Variants in DMXL1 observed in about 807,000 individuals in gnomAD.
The protein encoded by DMXL1 is Dmx like 1.
Under a neutral mutation model 319.2 loss-of-function variants are expected in DMXL1, and 99 were observed. That is an observed-to-expected ratio of 0.31 (90% CI 0.26 to 0.37). The LOEUF is 0.37. Ranked by LOEUF, DMXL1 falls within the 10% of genes least tolerant of loss-of-function variation. The pLI, the probability that DMXL1 is intolerant of heterozygous loss-of-function variation, is 1.00. For synonymous variants in DMXL1, 1,385 were observed against 1,235.2 expected, an observed-to-expected ratio of 1.12 and a Z score of -2.54; for missense variants, 3,745 against 3,595.6, an observed-to-expected ratio of 1.04 and a Z score of -1.06.
At chr5:119,081,999 A>G (rs940023779) in intron 1 of DMXL1, among the ~76,000 whole-genome samples, 5 of 60,964 alleles carry the variant, frequency 8.2e-5, no homozygotes, top group African/African-American at 2.4e-4. Flanking sequence ...TCTTAAGGTT[A>G]TATATATATA....
intron 4 of DMXL1, among the ~76,000 whole-genome samples, chr5:119,105,578 A>G (rs543679122): frequency 1.3e-4 from 20 of 152,242 alleles, no homozygotes; most frequent in African/African-American, 4.6e-4. Context: ...AGTTGGGTAG[A>G]TGGAACAGGA....
intron 25 of DMXL1, among the ~76,000 whole-genome samples, chr5:119,172,438 C>A (rs943118869): frequency 2.2e-4 from 34 of 152,202 alleles, no homozygotes. Flanking sequence ...GAACCAGCTA[C>A]AACAGAATCA....
chr5:119,104,350 C>G (rs1757889254), intron 3 of DMXL1: 4 of 152,202 alleles, frequency 2.6e-5, no homozygotes, highest in African/African-American at 7.2e-5. Context: ...TCACCTATGT[C>G]AAAATCACCT....
At chr5:119,237,858 G>T (rs542050062) in intron 40 of DMXL1, among the ~76,000 whole-genome samples, 2 of 152,164 alleles carry the variant, frequency 1.3e-5, no homozygotes, top group African/African-American at 4.8e-5. Context: ...TTAGGATTAT[G>T]CAGGCTTTTA....
chr5:119,219,250 T>C (rs1784230967), intron 35 of DMXL1, among the ~76,000 whole-genome samples: 2 of 152,200 alleles, frequency 1.3e-5, no homozygotes, highest in African/African-American at 2.4e-5. Flanking sequence ...GACCCAAATC[T>C]TTTATAATCG....
intron 38 of DMXL1, among the ~76,000 whole-genome samples, chr5:119,231,514 CT>C (rs1475569248): frequency 6.6e-6 from 1 of 152,178 alleles, no homozygotes; most frequent in Non-Finnish European, 1.5e-5. Flanking sequence ...CACAAGGGGC[CT>C]ACCAGGAGGT....
At chr5:119,193,249 C>A (rs1779009497) in intron 29 of DMXL1, among the ~76,000 whole-genome samples, 1 of 152,098 alleles carries the variant, frequency 6.6e-6, no homozygotes, top group African/African-American at 2.4e-5. Context: ...ATTTGCTATT[C>A]TCTCCAACCT....
At chr5:119,163,773 C>T (rs1055106237) in intron 19 of DMXL1, among the ~76,000 whole-genome samples, 2 of 152,178 alleles carry the variant, frequency 1.3e-5, no homozygotes, top group African/African-American at 4.8e-5. Flanking sequence ...GATAGGGTTT[C>T]ACCGTGTTAG....
intron 26 of DMXL1, among the ~76,000 whole-genome samples, chr5:119,175,704 G>T (rs1337914523): frequency 6.6e-6 from 1 of 152,092 alleles, no homozygotes; most frequent in African/African-American, 2.4e-5. Context: ...TACTAAAATG[G>T]TAACTATAAT....
chr5:119,119,074 A>G, intron 8 of DMXL1, 70 bp downstream of exon 8: 1 of 1,016,926 alleles, frequency 9.8e-7, no homozygotes, highest in Non-Finnish European at 1.4e-6. Context: ...TTGGTAACAC[A>G]GTAATGTTAT....
At chr5:119,111,570 A>T (rs1759605850) in intron 5 of DMXL1, among the ~76,000 whole-genome samples, 1 of 152,220 alleles carries the variant, frequency 6.6e-6, no homozygotes, top group South Asian at 2.1e-4. Flanking sequence ...TTAGGGAAAG[A>T]CTAAGAATGA....
chr5:119,099,625 TG>T (rs1756781432), intron 2 of DMXL1, among the ~76,000 whole-genome samples: 1 of 152,212 alleles, frequency 6.6e-6, no homozygotes, highest in Non-Finnish European at 1.5e-5. Flanking sequence ...CACATGGAGC[TG>T]GTTAATGTTA....
At position 119,244,541 on chromosome 5, in the gene DMXL1, T is replaced by C; in HGVS notation, c.8887T>C (p.Tyr2963His). The C allele has an allele frequency of 6.2e-7, 1 of 1,614,162 alleles. No individual in the cohort carries two copies. Among genetic ancestry groups the C allele is most frequent in the Non-Finnish European group, 8.5e-7 (1 of 1,180,012 alleles). ...CGTTGCTGTTGATCCAACTGAAGAGTACTTTGTTACAGGATCTGCCGAAGG... is the reference window on the plus strand; with the variant it reads ...CGTTGCTGTTGATCCAACTGAAGAGCACTTTGTTACAGGATCTGCCGAAGG... The part of the protein sequence containing the change: ...KAVAVDPTEE[Y>H]FVTGSAEGNI... Residue 2963 changes from tyrosine (Y) to histidine (H), a missense_variant, in exon 43 of 44, where the codon TAC becomes CAC. Tyr to His is a moderately conservative substitution (Grantham distance 83). This residue lies in a region of DMXL1 where 262 missense variants were observed against 320.5 expected (regional missense o/e 0.82). Coordinates refer to ENST00000539542, the MANE Select transcript of DMXL1 (RefSeq NM_001290321.3).
intron 10 of DMXL1, among the ~76,000 whole-genome samples, chr5:119,132,003 A>T (rs1327751466): frequency 6.6e-6 from 1 of 152,216 alleles, no homozygotes; most frequent in Non-Finnish European, 1.5e-5. Flanking sequence ...AAATAAAAAG[A>T]GTCTTCTTCA....
chr5:119,098,350 G>A (rs1274323996), intron 2 of DMXL1, among the ~76,000 whole-genome samples: 1 of 152,068 alleles, frequency 6.6e-6, no homozygotes, highest in Non-Finnish European at 1.5e-5. Context: ...TATAGAATGA[G>A]TCTAAAGCTT....
chr5:119,103,152 G>T (rs764197788), intron 3 of DMXL1, among the ~76,000 whole-genome samples: 1 of 151,544 alleles, frequency 6.6e-6, no homozygotes, highest in African/African-American at 2.4e-5. Flanking sequence ...CTATTTCTGG[G>T]TCTATCTAGC....
At chr5:119,183,722 G>A (rs1381440673) in intron 28 of DMXL1, among the ~76,000 whole-genome samples, 1 of 152,106 alleles carries the variant, frequency 6.6e-6, no homozygotes. Flanking sequence ...GCCTCCTAAA[G>A]TGCTTGGATT....
At chr5:119,211,476 A>T (rs1157948762) in intron 34 of DMXL1, among the ~76,000 whole-genome samples, 1 of 152,158 alleles carries the variant, frequency 6.6e-6, no homozygotes, top group African/African-American at 2.4e-5. Flanking sequence ...CATTTCATTT[A>T]TGTTGTCAAA....
chr5:119,096,691 A>T (rs893333160), intron 1 of DMXL1, among the ~76,000 whole-genome samples: 1 of 152,230 alleles, frequency 6.6e-6, no homozygotes, highest in Non-Finnish European at 1.5e-5. Flanking sequence ...GGAAAAGGAC[A>T]CACAAAAGAA....
Sources: allele counts gnomAD v4.1 joint callset (sites outside exome capture counted in the v4.1 genomes callset), GRCh38; gene constraint gnomAD v4.1.1; regional missense constraint gnomAD v4.1.1; transcripts MANE v1.5; gene names NCBI Gene and HGNC (gene_info 2026-07-23, HGNC 2026-07-21).